C1orf141: variants seen among roughly 807,000 people sequenced by gnomAD.
C1orf141 encodes chromosome 1 open reading frame 141.
In C1orf141, 19 loss-of-function variants were observed where a neutral mutation model predicts 23.2. The observed-to-expected ratio is 0.82, with a 90% CI of 0.57 to 1.20. The LOEUF (loss-of-function observed/expected upper bound fraction) is 1.20. Ranked by LOEUF, C1orf141 falls within the 50% of genes most tolerant of loss-of-function variation. C1orf141 has a pLI of 0.00. For missense variants in C1orf141, 469 were observed against 455.1 expected (o/e 1.03, Z -0.28); for synonymous variants, 153 against 154.6 (o/e 0.99, Z 0.08).
At chr1:67,138,103 T>G (rs762732091), upstream of C1orf141, among the ~76,000 whole-genome samples, 2 of 152,242 alleles carry the variant, frequency 1.3e-5, no homozygotes, top group Non-Finnish European at 2.9e-5. Flanking sequence ...ATTTCTCACT[T>G]TTACAGATTT....
chr1:67,100,305 C>T (rs895407552), intron 5 of C1orf141, among the ~76,000 whole-genome samples: 1 of 152,138 alleles, frequency 6.6e-6, no homozygotes, highest in Non-Finnish European at 1.5e-5. Context: ...CCTTACACTG[C>T]ACGTTGTATA....
chr1:67,116,366 A>G (rs930598233), intron 4 of C1orf141, among the ~76,000 whole-genome samples: 1 of 151,986 alleles, frequency 6.6e-6, no homozygotes, highest in African/African-American at 2.4e-5. Flanking sequence ...TTCCAAATCC[A>G]AACACCTCTT....
At chr1:67,116,812 G>A (rs894536858) in intron 4 of C1orf141, among the ~76,000 whole-genome samples, 3 of 152,046 alleles carry the variant, frequency 2.0e-5, no homozygotes, top group Admixed American at 6.5e-5. Context: ...AGGGGTTGAC[G>A]TGGCCTACTC....
At position 67,093,165 on chromosome 1, in the gene C1orf141, T is replaced by C; in HGVS notation, c.1043A>G (p.Glu348Gly). ...TGGTTTTCCTGCAGAAAACATTCTT[T>C]CAAATTTTCCAGTTTGGGCACTCAT... ...HEMSAQTGKFERMFSAGKPTS... is the reference protein window; with the variant it reads ...HEMSAQTGKFGRMFSAGKPTS... Residue 348 changes from glutamate (E) to glycine (G), a missense_variant, in exon 8 of 8, where the codon GAA becomes GGA. By Grantham distance (98) the Glu-to-Gly change is moderately conservative (BLOSUM62 -2). Coordinates refer to ENST00000684719, the MANE Select transcript of C1orf141 (RefSeq NM_001276351.2). 6.2e-7 allele frequency: 1 copy of C among 1,613,970 alleles called. No individual in the cohort carries two copies.
At chr1:67,124,406 G>A (rs1179646230) in intron 4 of C1orf141, among the ~76,000 whole-genome samples, 2 of 152,058 alleles carry the variant, frequency 1.3e-5, no homozygotes, top group East Asian at 1.9e-4. Flanking sequence ...TCTGCCTCCC[G>A]AGTTCAAGCA....
At chr1:67,139,275 A>G (rs981090276), upstream of C1orf141, 1 of 152,234 alleles carries the variant, frequency 6.6e-6, no homozygotes, top group Non-Finnish European at 1.5e-5. Context: ...CATAAAATGG[A>G]TAGATTAACT....
At chr1:67,100,817 G>A (rs1645780323) in intron 5 of C1orf141, among the ~76,000 whole-genome samples, 1 of 152,144 alleles carries the variant, frequency 6.6e-6, no homozygotes, top group Non-Finnish European at 1.5e-5. Flanking sequence ...TGTAAATCCA[G>A]ATGTCGTTAC....
At chr1:67,130,452 A>G (rs964406235) in intron 2 of C1orf141, among the ~76,000 whole-genome samples, 1 of 152,094 alleles carries the variant, frequency 6.6e-6, no homozygotes, top group African/African-American at 2.4e-5. Flanking sequence ...GGTGTCCTAC[A>G]CCTCTCACTT....
At position 67,099,876 on chromosome 1, in the gene C1orf141, A is replaced by G. The variant is rs117928462; in HGVS notation, c.347-3555T>C. Among the ~76,000 whole-genome samples, 136 of 152,334 alleles carry G rather than the reference A, an allele frequency of 8.9e-4. 1 individual carries two copies. In the East Asian group the frequency reaches 0.016, roughly 18 times the overall value. On this transcript the variant is annotated intron_variant, in intron 5 of 7. Transcript: ENST00000684719. ...TATGTATTTAATTGGCATTGTCTTT[A>G]AAAACGAACAGTATTTTGTATTTTA...
chr1:67,111,421 G>A (rs1477815202), intron 5 of C1orf141, among the ~76,000 whole-genome samples: 1 of 151,952 alleles, frequency 6.6e-6, no homozygotes, highest in Non-Finnish European at 1.5e-5. Context: ...CATACATAAA[G>A]TTTTACATAA....
At position 67,125,762 on chromosome 1, in the gene C1orf141, T is replaced by G. The variant is rs1646396911; in HGVS notation, c.223A>C (p.Lys75Gln). The change falls in exon 4 of 8, where the codon AAA (lysine) becomes CAA (glutamine). Residue 75 changes from lysine to glutamine, a missense_variant. Lys to Gln is a moderately conservative substitution (Grantham distance 53). Around this residue, in one of 3 missense-constraint regions of C1orf141, gnomAD observed 95 missense variants for 90.3 expected, o/e 1.05. Transcript: ENST00000684719. ...GGTTATGATAGTTACATTTTTGATT[T>G]TGTAATGCTGCATGACTTGTCTTCT... is the stretch of plus-strand genomic sequence containing the variant. The part of the protein sequence containing the change: ...IKEDKSCSIT[K>Q]SKMHVSFKCE... 1.9e-6 allele frequency: 3 copies of G among 1,613,850 alleles called. No individual in the cohort carries two copies. In the East Asian group the frequency reaches 6.7e-5, roughly 36 times the overall value.
intron 3 of C1orf141, 93 bp from the exon 4 acceptor site, chr1:67,126,002 A>T: frequency 1.1e-6 from 1 of 876,406 alleles, no homozygotes; most frequent in Non-Finnish European, 1.6e-6. Flanking sequence ...ATCTCACTTT[A>T]CACACACACA....
intron 4 of C1orf141, among the ~76,000 whole-genome samples, chr1:67,117,572 CA>C (rs1646220104): frequency 6.6e-6 from 1 of 151,994 alleles, no homozygotes; most frequent in African/African-American, 2.4e-5. Context: ...CTGTTCCTTT[CA>C]AAAAATGTAT....
At position 67,125,828 on chromosome 1, in the gene C1orf141, C is replaced by T. The variant is rs186268780; in HGVS notation, c.157G>A (p.Ala53Thr). The change falls in exon 4 of 8, where the codon GCT becomes ACT. Residue 53 changes from alanine (A) to threonine (T), a missense_variant. Around this residue, in one of 3 missense-constraint regions of C1orf141, gnomAD observed 95 missense variants for 90.3 expected, o/e 1.05. Transcript: ENST00000684719. ...TFDFQLEFEE[A>T]LATSASKAIS... ...GCCTTAGACGCGGATGTAGCAAGAG[C>T]TTCTTCAAATTCCAACTGAAAATCA... 1.2e-6 allele frequency: 2 copies of T among 1,612,870 alleles called. No individual in the cohort carries two copies. The highest frequency in any genetic ancestry group is 2.7e-5 in the African/African-American group (2 of 74,638).
intron 7 of C1orf141, chr1:67,094,961 T>A: frequency 1.0e-5 from 3 of 290,688 alleles, no homozygotes; most frequent in Non-Finnish European, 1.9e-5. Context: ...TTTTAAAAAA[T>A]TCTTTTTATT....
At chr1:67,112,872 A>G (rs1279896634) in intron 5 of C1orf141, among the ~76,000 whole-genome samples, 1 of 152,234 alleles carries the variant, frequency 6.6e-6, no homozygotes, top group Non-Finnish European at 1.5e-5. Context: ...TATGCAAATG[A>G]GCTACAAGTT....
At chr1:67,101,297 T>TA (rs1428595336) in intron 5 of C1orf141, among the ~76,000 whole-genome samples, 6 of 152,204 alleles carry the variant, frequency 3.9e-5, no homozygotes, top group African/African-American at 7.2e-5. Context: ...AGTGACAAGT[T>TA]ATGATCGTTA....
At chr1:67,128,458 C>T (rs1646459649) in intron 2 of C1orf141, among the ~76,000 whole-genome samples, 1 of 151,934 alleles carries the variant, frequency 6.6e-6, no homozygotes, top group Admixed American at 6.6e-5. Context: ...AATCCCAGCA[C>T]TTTGGGAGGC....
intron 6 of C1orf141, 72 bp downstream of exon 6, chr1:67,096,180 C>G (rs1645676024): frequency 1.3e-6 from 1 of 747,972 alleles, no homozygotes; most frequent in Non-Finnish European, 2.2e-6. Context: ...TTATTCCTGT[C>G]AATTATAAAA....
Sources: gnomAD v4.1 joint callset for allele counts (sites outside exome capture counted in the v4.1 genomes callset) on GRCh38, gnomAD v4.1.1 for gene constraint, gnomAD v4.1.1 regional missense constraint, MANE v1.5 for transcripts, NCBI Gene and HGNC (gene_info 2026-07-23, HGNC 2026-07-21) for gene names.